The following MDK variants were observed in gnomAD, a reference collection of about 807,000 sequenced individuals.
MDK encodes amphiregulin-associated protein.
MDK carries 17 observed loss-of-function variants against 18.9 expected under a neutral mutation model. The ratio of observed to expected loss-of-function variants is 0.90; its 90% CI spans 0.62 to 1.35. MDK has a LOEUF of 1.35. Among genes scored for constraint, MDK ranks in the 40% most tolerant of loss-of-function variants. The probability of loss-of-function intolerance (pLI) is 0.00; values close to 1 mark genes in which losing one functional copy is unlikely to be tolerated. For missense variants in MDK, 180 were observed against 186.3 expected, an observed-to-expected ratio of 0.97 and a Z score of 0.20; for synonymous variants, 86 against 74.3, an observed-to-expected ratio of 1.16 and a Z score of -0.81.
intron 4 of MDK, 199 bp from the exon 5 acceptor site, chr11:46,383,270 T>C: frequency 1.9e-6 from 1 of 529,670 alleles, no homozygotes; most frequent in South Asian, 2.4e-5. Context: ...TGATCCCAAG[T>C]GGAAATAGGA....
At chr11:46,382,822 T>C (rs1945264129) in intron 4 of MDK, 74 bp downstream of exon 4, 4 of 1,456,492 alleles carry the variant, frequency 2.7e-6, no homozygotes, top group African/African-American at 1.7e-5. Context: ...GAGGGGACAA[T>C]TCCAAGTTAA....
chr11:46,382,168 G>A (rs567697040), intron 2 of MDK, 35 bp downstream of exon 2: 8 of 1,608,554 alleles, frequency 5.0e-6, no homozygotes, highest in South Asian at 1.1e-5. Context: ...GCTGGGGACG[G>A]GCAGGCGAGG....
At chr11:46,381,982 G>A (rs923078186) in intron 1 of MDK, 75 bp from the exon 2 acceptor site, 50 of 1,455,390 alleles carry the variant, frequency 3.4e-5, no homozygotes, top group Non-Finnish European at 4.3e-5. Context: ...GCACGCGGAG[G>A]TGGGAGGGCC....
At chr11:46,383,226 G>A in intron 4 of MDK, 2 of 476,484 alleles carry the variant, frequency 4.2e-6, no homozygotes, top group South Asian at 5.0e-5. Flanking sequence ...GGGCTGCTGT[G>A]ACCAGGACTA....
chr11:46,382,146 G>A lies in MDK; in HGVS notation c.76+13G>A. On this transcript the variant is annotated intron_variant, in intron 2 of 4. Transcript: ENST00000395566. ...GCCAAAAAGAAAGGTGATGGGGGAT[G>A]ATCGAAGGAGGGCTGGGGACGGGCA... 6.2e-7 allele frequency: 1 copy of A among 1,610,746 alleles called. No individual in the cohort carries two copies. The highest frequency in any genetic ancestry group is 8.5e-7 in the Non-Finnish European group (1 of 1,179,044).
chr11:46,383,358 G>A (rs1389887391), intron 4 of MDK, 111 bp from the exon 5 acceptor site: 1 of 803,882 alleles, frequency 1.2e-6, no homozygotes, highest in Non-Finnish European at 2.0e-6. Context: ...GAAACCACTA[G>A]GGGGCAGAAT....
upstream of MDK, chr11:46,381,314 G>C (rs1364384817): frequency 6.6e-6 from 1 of 152,416 alleles, no homozygotes; most frequent in Non-Finnish European, 1.5e-5. Flanking sequence ...GCCTGAGAAC[G>C]GCCCGGGCCT....
Position 46,382,355 on chromosome 11 carries a change from CCCCA to C in MDK, c.139_142del (p.Pro47AlafsTer60). The C allele has an allele frequency of 6.3e-7, 1 of 1,597,732 alleles. No individual in the cohort carries two copies. Among genetic ancestry groups the C allele is most frequent in the South Asian group, 1.1e-5 (1 of 89,200 alleles). ...CTGAGTGGGCCTGGGGGCCCTGCAC[CCCCA>C]GCAGCAAGGATTGCGGCGTGGGTTT... On this transcript the variant is annotated frameshift_variant, in exon 3 of 5. Transcript: ENST00000395566. LOFTEE classifies it high-confidence loss of function.
Position 46,383,485 on chromosome 11 carries a change from A to AAAG in MDK, c.424_426dup (p.Lys142dup). The stretch of plus-strand genomic sequence containing the variant: ...GTTTTACAGCCAAGAAAGGGAAGGG[A>AAAG]AAGGACTAGACGCCAAGCCTGGATG... On this transcript the variant is annotated inframe_insertion, in exon 5 of 5. Transcript: ENST00000395566. 1 of 1,605,616 alleles carries AAAG rather than the reference A, an allele frequency of 6.2e-7. No individual in the cohort carries two copies. The highest frequency in any genetic ancestry group is 8.5e-7 in the Non-Finnish European group (1 of 1,175,592).
Position 46,383,760 on chromosome 11 carries a change from T to C in MDK, c.*266T>C. 1 of 593,948 alleles carries C rather than the reference T, an allele frequency of 1.7e-6. No individual in the cohort carries two copies. The highest frequency in any genetic ancestry group is 3.1e-6 in the Non-Finnish European group (1 of 319,924). 36.8% of individuals were successfully genotyped at this position (593,948 alleles called of 1,614,324 possible). On this transcript the variant is annotated 3_prime_UTR_variant, in exon 5 of 5. Transcript: ENST00000395566. ...GCTTTTGTTCTTCCCCACAATTCCA[T>C]TACTAAGAAACACATCAAATAAACT...
chr11:46,381,221 C>T (rs1334570709), upstream of MDK: 2 of 152,382 alleles, frequency 1.3e-5, no homozygotes, highest in Non-Finnish European at 2.9e-5. Flanking sequence ...AGCAGGGCGC[C>T]AGGGCTGAGC....
chr11:46,382,724 C>G lies in MDK; in HGVS notation c.382C>G (p.Pro128Ala), dbSNP rs776591122. ...ETIRVTKPCTPKTKAKAKAKK... is the reference protein window; with the variant it reads ...ETIRVTKPCTAKTKAKAKAKK... ...CATCCGCGTCACCAAGCCCTGCACC[C>G]CCAAGACCAAAGCAAAGGCCAAAGG... The change falls in exon 4 of 5, where the codon CCC becomes GCC. Residue 128 changes from proline to alanine, a missense_variant. Transcript: ENST00000395566. The G allele has an allele frequency of 1.9e-6, 3 of 1,612,528 alleles. No individual in the cohort carries two copies. The Admixed American group carries it at 5.0e-5, about 27-fold the overall frequency.
chr11:46,382,854 C>T (rs1273565884), intron 4 of MDK, 106 bp downstream of exon 4: 2 of 1,313,482 alleles, frequency 1.5e-6, no homozygotes, highest in South Asian at 1.3e-5. Flanking sequence ...TGAGTCCTGG[C>T]CAGTGGCTTC....
At chr11:46,382,787 G>GGGGGGGGGGGGC (rs2136542300) in intron 4 of MDK, 39 bp downstream of exon 4, 33 of 1,498,382 alleles carry the variant, frequency 2.2e-5, no homozygotes, top group East Asian at 7.8e-5. Context: ...GTCGCGGGGG[G>GGGGGGGGGGGGC]CTGCCCCCCC....
In MDK at chr11:46,381,762, A is replaced by C; in HGVS notation, c.-2+4A>C. Reference sequence around the variant, plus strand: ...AAGCAGCGCGGGCAGCGAGCGAGTGAGCGCGCGGCGGCCCCTGGTCCGCCC... The same window carrying C: ...AAGCAGCGCGGGCAGCGAGCGAGTGCGCGCGCGGCGGCCCCTGGTCCGCCC... On this transcript the variant is annotated splice_donor_region_variant and intron_variant, in intron 1 of 4. Transcript: ENST00000395566. 7 of 229,214 alleles carry C rather than the reference A, an allele frequency of 3.1e-5. No individual in the cohort carries two copies. The highest frequency in any genetic ancestry group is 1.5e-5 in the Non-Finnish European group (2 of 129,968). The allele number at this position is 229,214 out of a possible 1,614,324, so 14.2% of individuals were successfully genotyped here.
Position 46,383,501 on chromosome 11 carries a change from A to C in MDK, c.*7A>C. On this transcript the variant is annotated 3_prime_UTR_variant, in exon 5 of 5. Transcript: ENST00000395566. ...AGGGAAGGGAAAGGACTAGACGCCA[A>C]GCCTGGATGCCAAGGAGCCCCTGGT... is the stretch of plus-strand genomic sequence containing the variant. 6.2e-7 allele frequency: 1 copy of C among 1,612,678 alleles called. No individual in the cohort carries two copies. The highest frequency in any genetic ancestry group is 8.5e-7 in the Non-Finnish European group (1 of 1,179,256).
chr11:46,383,146 C>T (rs1945273291), intron 4 of MDK: 3 of 413,040 alleles, frequency 7.3e-6, no homozygotes, highest in South Asian at 5.6e-5. Flanking sequence ...ACTCGTGACT[C>T]AGCCCAGCGA....
chr11:46,382,483 G>A (rs1226138299), intron 3 of MDK, 22 bp downstream of exon 3: 1 of 1,526,260 alleles, frequency 6.6e-7, no homozygotes, highest in South Asian at 1.3e-5. Context: ...CGCAGTCAGA[G>A]GGCAGGAGAC....
At chr11:46,383,432 G>A (rs779643260) in intron 4 of MDK, 37 bp from the exon 5 acceptor site, 53 of 1,543,284 alleles carry the variant, frequency 3.4e-5, no homozygotes, top group Middle Eastern at 4.6e-4. Context: ...CAGCCTAACT[G>A]CTGATATGGT....
Sources: allele counts gnomAD v4.1 joint callset, GRCh38; gene constraint gnomAD v4.1.1; transcripts MANE v1.5; gene names NCBI Gene and HGNC (gene_info 2026-07-23, HGNC 2026-07-21).